Variants in SCLT1 observed in about 807,000 individuals in gnomAD.
SCLT1 encodes sodium channel-associated protein 1.
In SCLT1, 78 loss-of-function variants were observed where a neutral mutation model predicts 112.8. The ratio of observed to expected loss-of-function variants is 0.69; its 90% CI spans 0.58 to 0.83. The LOEUF (loss-of-function observed/expected upper bound fraction) is 0.83, where lower values mean the gene tolerates loss of function less well. Among genes scored for constraint, SCLT1 ranks in the 40% least tolerant of loss-of-function variants. SCLT1 has a pLI of 0.00. For synonymous variants in SCLT1, 257 were observed against 254.7 expected (o/e 1.01, Z -0.09); for missense variants, 747 against 770.4 (o/e 0.97, Z 0.36).
chr4:129,077,627 G>A (rs1408070215), intron 2 of SCLT1, among the ~76,000 whole-genome samples: 4 of 152,092 alleles, frequency 2.6e-5, no homozygotes, highest in South Asian at 2.1e-4. Context: ...TGGGAAACAT[G>A]GCTAAACAAA....
At position 129,053,752 on chromosome 4, in the gene SCLT1, C is replaced by T. The variant is rs139249881; in HGVS notation, c.103-9701G>A. On this transcript the variant is annotated intron_variant, in intron 2 of 20. Coordinates refer to ENST00000281142, the MANE Select transcript of SCLT1 (RefSeq NM_144643.4). ...TTAATTGGGGCATTTAGCCCATTTA[C>T]GTTTAAGGTTAATATTGTCATGTGT... Among the ~76,000 whole-genome samples, 820 of 151,740 alleles carry T rather than the reference C, an allele frequency of 5.4e-3. 8 individuals are homozygous for T. The highest frequency in any genetic ancestry group is 0.019 in the African/African-American group (771 of 41,366).
Position 129,093,320 on chromosome 4 carries a change from G to A in SCLT1, c.-217C>T, listed in dbSNP as rs2592957. On this transcript the variant is annotated 5_prime_UTR_variant, in exon 1 of 21. Transcript: ENST00000281142. ...TCCCTGGCCCTGGTGAGAGACTGAAGATTGCTGGGGACTCCACGTTCAACC... is the reference window on the plus strand; with the variant it reads ...TCCCTGGCCCTGGTGAGAGACTGAAAATTGCTGGGGACTCCACGTTCAACC... 6.8e-6 allele frequency: 4 copies of A among 590,386 alleles called. No homozygotes were observed. The highest frequency in any genetic ancestry group is 5.6e-5 in the East Asian group (2 of 35,810). The allele number at this position is 590,386 out of a possible 1,614,324, so 36.6% of individuals were successfully genotyped here.
At chr4:128,997,641 A>AG (rs1560943293) in intron 8 of SCLT1, among the ~76,000 whole-genome samples, 1 of 151,880 alleles carries the variant, frequency 6.6e-6, no homozygotes, top group Non-Finnish European at 1.5e-5. Flanking sequence ...GTCTAAGGAG[A>AG]CCTTACTAAG....
chr4:128,961,023 T>G (rs1018276745), intron 11 of SCLT1, among the ~76,000 whole-genome samples: 3 of 151,978 alleles, frequency 2.0e-5, no homozygotes, highest in Non-Finnish European at 4.4e-5. Flanking sequence ...AATCTACTTT[T>G]TTGTTGTTGT....
intron 8 of SCLT1, among the ~76,000 whole-genome samples, chr4:128,994,514 G>A (rs1322565434): frequency 6.6e-6 from 1 of 152,150 alleles, no homozygotes; most frequent in East Asian, 1.9e-4. Flanking sequence ...ATTTCAATAC[G>A]TTGGGATAAA....
chr4:129,052,359 T>G (rs190451012), intron 2 of SCLT1, among the ~76,000 whole-genome samples: 1 of 152,268 alleles, frequency 6.6e-6, no homozygotes, highest in Non-Finnish European at 1.5e-5. Flanking sequence ...GGTCCTGGAC[T>G]TTTTTTGGTT....
intron 2 of SCLT1, among the ~76,000 whole-genome samples, chr4:129,056,575 T>A (rs1015238977): frequency 6.6e-6 from 1 of 152,230 alleles, no homozygotes; most frequent in African/African-American, 2.4e-5. Flanking sequence ...TTCTTAGATA[T>A]TTTCCTAATT....
intron 8 of SCLT1, among the ~76,000 whole-genome samples, chr4:128,996,441 T>C (rs1439484182): frequency 6.6e-6 from 1 of 152,070 alleles, no homozygotes; most frequent in Non-Finnish European, 1.5e-5. Context: ...AATCAGAAAA[T>C]TTTTTGTTGG....
chr4:129,002,092 T>C (rs991849983), intron 6 of SCLT1, among the ~76,000 whole-genome samples: 13 of 152,038 alleles, frequency 8.6e-5, no homozygotes, highest in South Asian at 4.1e-4. Flanking sequence ...TTCATAATTA[T>C]AGAATTTTAA....
intron 5 of SCLT1, among the ~76,000 whole-genome samples, chr4:129,026,123 C>T (rs2126133204): frequency 6.6e-6 from 1 of 152,232 alleles, no homozygotes; most frequent in African/African-American, 2.4e-5. Context: ...ACCCCACTGT[C>T]AACATTAGAC....
At chr4:129,029,756 A>C (rs1448143570) in intron 5 of SCLT1, among the ~76,000 whole-genome samples, 1 of 152,156 alleles carries the variant, frequency 6.6e-6, no homozygotes, top group Non-Finnish European at 1.5e-5. Context: ...ATGCAACAGG[A>C]AGAGCTAACT....
intron 17 of SCLT1, among the ~76,000 whole-genome samples, chr4:128,937,564 A>T (rs1737317852): frequency 6.6e-6 from 1 of 152,200 alleles, no homozygotes; most frequent in East Asian, 1.9e-4. Context: ...TTTGACTTAC[A>T]TACTAAATTT....
rs1474042281 is a variant in SCLT1, at chr4:128,884,506, C to A, written c.2038G>T (p.Ala680Ser). 1 of 1,605,172 alleles carries A rather than the reference C, an allele frequency of 6.2e-7. No homozygotes were observed. The highest frequency in any genetic ancestry group is 1.7e-5 in the Admixed American group (1 of 59,972). ...ATATTTTCCAGATTCATCAGGGAGG[C>A]TGCTTTTCTTCTCTGCACTGTAATC... ...SVITVQRRKA[A>S]SLMNLENI The change falls in exon 21 of 21, where the codon GCC becomes TCC. Residue 680 changes from alanine (A) to serine (S), a missense_variant. Around this residue, in one of 2 missense-constraint regions of SCLT1, gnomAD observed 24 missense variants for 49.1 expected, o/e 0.49. Transcript: ENST00000281142.
At position 129,024,034 on chromosome 4, in the gene SCLT1, G is replaced by A. The variant is rs994695487; in HGVS notation, c.290+15007C>T. ...GCTTGCTTAGGTAAACAAAGCAGCC[G>A]GGAAGCTCGAACTGGGTGGAGCCCA... On this transcript the variant is annotated intron_variant, in intron 5 of 20. Transcript: ENST00000281142. Among the ~76,000 whole-genome samples, 576 of 152,302 alleles carry A rather than the reference G, an allele frequency of 3.8e-3. 1 individual carries two copies. Among genetic ancestry groups the A allele is most frequent in the African/African-American group, 0.011 (470 of 41,584 alleles).
At chr4:128,895,689 G>A (rs1453516216) in intron 18 of SCLT1, among the ~76,000 whole-genome samples, 1 of 152,190 alleles carries the variant, frequency 6.6e-6, no homozygotes, top group East Asian at 1.9e-4. Flanking sequence ...GAAAGCGGGT[G>A]CAGGACAGTG....
At chr4:128,895,481 T>G (rs1279323821) in intron 18 of SCLT1, among the ~76,000 whole-genome samples, 2 of 152,190 alleles carry the variant, frequency 1.3e-5, no homozygotes, top group Non-Finnish European at 2.9e-5. Flanking sequence ...CAGGTTTATA[T>G]TATTTTTTAG....
At chr4:129,063,445 T>C (rs1290690971) in intron 2 of SCLT1, among the ~76,000 whole-genome samples, 1 of 152,236 alleles carries the variant, frequency 6.6e-6, no homozygotes, top group Non-Finnish European at 1.5e-5. Flanking sequence ...GAATATCCCA[T>C]GTTTTTTTTG....
intron 7 of SCLT1, 77 bp from the exon 8 acceptor site, chr4:128,998,016 C>G (rs1743156999): frequency 3.2e-6 from 2 of 632,680 alleles, no homozygotes; most frequent in South Asian, 4.9e-5. Flanking sequence ...AAACTAAAAT[C>G]AAGTCTAAAA....
At chr4:128,978,731 A>G (rs1741398541) in intron 9 of SCLT1, among the ~76,000 whole-genome samples, 1 of 152,200 alleles carries the variant, frequency 6.6e-6, no homozygotes, top group Non-Finnish European at 1.5e-5. Context: ...AGAAGAAAGT[A>G]TCTGAGGAGT....
Sources: allele counts gnomAD v4.1 joint callset (sites outside exome capture counted in the v4.1 genomes callset), GRCh38; gene constraint gnomAD v4.1.1; regional missense constraint gnomAD v4.1.1; transcripts MANE v1.5; gene names NCBI Gene and HGNC (gene_info 2026-07-23, HGNC 2026-07-21).